The following SMIM18 variants were observed in gnomAD, a reference collection of about 807,000 sequenced individuals.
SMIM18 encodes the protein small integral membrane protein 18.
In SMIM18, 4 loss-of-function variants were observed where a neutral mutation model predicts 5.9. The observed-to-expected ratio is 0.68, with a 90% CI of 0.33 to 1.56. The LOEUF (loss-of-function observed/expected upper bound fraction) is 1.56. Ranked by LOEUF, SMIM18 falls within the 40% of genes most tolerant of loss-of-function variation. The pLI, the probability that SMIM18 is intolerant of heterozygous loss-of-function variation, is 0.06. For synonymous variants in SMIM18, 37 were observed against 37.4 expected (o/e 0.99, Z 0.04); for missense variants, 89 against 109.7 (o/e 0.81, Z 0.84).
intron 1 of SMIM18, among the ~76,000 whole-genome samples, chr8:30,644,273 G>A (rs1408491416): frequency 5.3e-5 from 8 of 152,210 alleles, no homozygotes; most frequent in African/African-American, 1.9e-4. Flanking sequence ...CTTCTTTTGT[G>A]AAATGGAATA....
At chr8:30,645,051 G>C (rs1802016861) in intron 2 of SMIM18, among the ~76,000 whole-genome samples, 1 of 152,002 alleles carries the variant, frequency 6.6e-6, no homozygotes, top group Non-Finnish European at 1.5e-5. Flanking sequence ...TGCCTGGCCT[G>C]AATCTTAAAT....
chr8:30,645,679 G>T lies in SMIM18; in HGVS notation c.*82G>T. 7.6e-7 allele frequency: 1 copy of T among 1,322,290 alleles called. No individual in the cohort carries two copies. Among genetic ancestry groups the T allele is most frequent in the Non-Finnish European group, 1.0e-6 (1 of 991,626 alleles). 81.9% of individuals were successfully genotyped at this position (1,322,290 alleles called of 1,614,324 possible). ...AAAATATATTCTGAGGCCAACTGTT[G>T]CTACAAAACAAATTCTGACTGAATG... On this transcript the variant is annotated 3_prime_UTR_variant, in exon 3 of 3. Transcript: ENST00000517349.
At chr8:30,639,980 T>G (rs770166862) in intron 1 of SMIM18, among the ~76,000 whole-genome samples, 1 of 152,116 alleles carries the variant, frequency 6.6e-6, no homozygotes, top group Non-Finnish European at 1.5e-5. Flanking sequence ...TAAAAATAAC[T>G]TTGTCAAATA....
chr8:30,642,958 C>CT (rs1163461524), intron 1 of SMIM18, among the ~76,000 whole-genome samples: 1 of 152,124 alleles, frequency 6.6e-6, no homozygotes, highest in Non-Finnish European at 1.5e-5. Context: ...TGAGATATCT[C>CT]TTTTTTGGAA....
chr8:30,639,164 T>A (rs760209529), intron 1 of SMIM18, among the ~76,000 whole-genome samples: 2 of 152,218 alleles, frequency 1.3e-5, no homozygotes, highest in Non-Finnish European at 2.9e-5. Flanking sequence ...TTGCTTTGAA[T>A]GTAGATGCAG....
Position 30,645,738 on chromosome 8 carries a change from G to T in SMIM18, c.*141G>T. 1.2e-6 allele frequency: 1 copy of T among 805,782 alleles called. No homozygotes were observed. The highest frequency in any genetic ancestry group is 1.9e-6 in the Non-Finnish European group (1 of 527,144). 49.9% of individuals were successfully genotyped at this position (805,782 alleles called of 1,614,324 possible). A position where few individuals can be genotyped will look rare whatever the true frequency, so the allele number is the denominator to read the frequency against. The stretch of plus-strand genomic sequence containing the variant: ...ATTTCTAGTAGAAGGGGAAAAAAAA[G>T]TTAAACATGCACTGTTTGTGTGTAT... On this transcript the variant is annotated 3_prime_UTR_variant, in exon 3 of 3. Transcript: ENST00000517349.
intron 1 of SMIM18, among the ~76,000 whole-genome samples, chr8:30,639,182 C>T (rs1022754748): frequency 1.1e-4 from 17 of 151,990 alleles, no homozygotes; most frequent in Admixed American, 1.1e-3. Flanking sequence ...CAGAGAATGC[C>T]AAGAAATTAT....
At chr8:30,641,755 T>C (rs1801842767) in intron 1 of SMIM18, among the ~76,000 whole-genome samples, 1 of 152,194 alleles carries the variant, frequency 6.6e-6, no homozygotes, top group South Asian at 2.1e-4. Flanking sequence ...TACATACCTG[T>C]AATCCCAACT....
Position 30,645,674 on chromosome 8 carries a change from C to A in SMIM18, c.*77C>A. On this transcript the variant is annotated 3_prime_UTR_variant, in exon 3 of 3. Transcript: ENST00000517349. ...GAAAAAAAATATATTCTGAGGCCAA[C>A]TGTTGCTACAAAACAAATTCTGACT... The A allele has an allele frequency of 7.2e-7, 1 of 1,383,280 alleles. No individual in the cohort carries two copies. Among genetic ancestry groups the A allele is most frequent in the Non-Finnish European group, 9.6e-7 (1 of 1,045,070 alleles). The allele number at this position is 1,383,280 out of a possible 1,614,324, so 85.7% of individuals were successfully genotyped here.
chr8:30,643,932 T>C (rs1419622770), intron 1 of SMIM18: 5 of 152,162 alleles, frequency 3.3e-5, no homozygotes, highest in African/African-American at 9.7e-5. Flanking sequence ...AGGTAATCAA[T>C]AAACATTTGT....
chr8:30,641,554 C>G (rs1438480622), intron 1 of SMIM18, among the ~76,000 whole-genome samples: 1 of 152,050 alleles, frequency 6.6e-6, no homozygotes, highest in South Asian at 2.1e-4. Context: ...GAGACAGGGC[C>G]TCCCCACATT....
chr8:30,640,832 G>C (rs1014545254), intron 1 of SMIM18, among the ~76,000 whole-genome samples: 7 of 152,094 alleles, frequency 4.6e-5, no homozygotes, highest in African/African-American at 1.7e-4. Flanking sequence ...GGCTTCCTGA[G>C]AAACTGGGAT....
chr8:30,639,210 T>C (rs1801722466), intron 1 of SMIM18, among the ~76,000 whole-genome samples: 1 of 152,236 alleles, frequency 6.6e-6, no homozygotes, highest in African/African-American at 2.4e-5. Flanking sequence ...TTAATTTTTA[T>C]ATAAAAGATC....
intron 2 of SMIM18, 42 bp downstream of exon 2, chr8:30,644,614 G>A (rs1344486597): frequency 1.3e-5 from 2 of 152,104 alleles, no homozygotes; most frequent in Non-Finnish European, 2.9e-5. Context: ...GCTTTTCCAG[G>A]GGCAGTTTGA....
chr8:30,639,218 A>G (rs1249297286), intron 1 of SMIM18, among the ~76,000 whole-genome samples: 1 of 152,230 alleles, frequency 6.6e-6, no homozygotes, highest in Non-Finnish European at 1.5e-5. Context: ...TATATAAAAG[A>G]TCATAAAAGG....
chr8:30,640,859 C>G (rs914148930), intron 1 of SMIM18, among the ~76,000 whole-genome samples: 4 of 152,136 alleles, frequency 2.6e-5, no homozygotes, highest in African/African-American at 7.2e-5. Context: ...CACCCGCCAC[C>G]ACAACTGGCT....
chr8:30,641,150 T>C (rs1181256260), intron 1 of SMIM18, among the ~76,000 whole-genome samples: 1 of 152,168 alleles, frequency 6.6e-6, no homozygotes, highest in East Asian at 1.9e-4. Flanking sequence ...TTAGAGAGTT[T>C]ACTTTTTTCA....
Position 30,645,517 on chromosome 8 carries a change from G to C in SMIM18, c.208G>C (p.Val70Leu). The change falls in exon 3 of 3, where the codon GTG becomes CTG. Residue 70 changes from valine (V) to leucine (L), a missense_variant. By Grantham distance (32) the Val-to-Leu change is conservative. Coordinates refer to ENST00000517349, the MANE Select transcript of SMIM18 (RefSeq NM_001206847.2). Reference protein sequence around the residue: ...DCCCCVKNKTVKDLKSEPNPL... With the variant: ...DCCCCVKNKTLKDLKSEPNPL... Reference sequence around the variant, plus strand: ...CTGCTGCTGTGTAAAAAACAAAACCGTGAAAGACTTGAAAAGTGAACCCAA... The same window carrying C: ...CTGCTGCTGTGTAAAAAACAAAACCCTGAAAGACTTGAAAAGTGAACCCAA... 1.3e-6 allele frequency: 2 copies of C among 1,535,560 alleles called. No homozygotes were observed. The highest frequency in any genetic ancestry group is 1.7e-6 in the Non-Finnish European group (2 of 1,146,870).
Position 30,645,626 on chromosome 8 carries a change from G to T in SMIM18, c.*29G>T. ...TCTATAGAAGATGAACAAAATCTCT[G>T]AAAGCAGCTCAACCTCTTCTGAGAA... On this transcript the variant is annotated 3_prime_UTR_variant, in exon 3 of 3. Coordinates refer to ENST00000517349, the MANE Select transcript of SMIM18 (RefSeq NM_001206847.2). 6.6e-7 allele frequency: 1 copy of T among 1,512,638 alleles called. No homozygotes were observed. The highest frequency in any genetic ancestry group is 2.1e-5 in the Admixed American group (1 of 47,330). 93.7% of individuals were successfully genotyped at this position (1,512,638 alleles called of 1,614,324 possible).
Sources: gnomAD v4.1 joint callset for allele counts (sites outside exome capture counted in the v4.1 genomes callset) on GRCh38, gnomAD v4.1.1 for gene constraint, MANE v1.5 for transcripts, NCBI Gene and HGNC (gene_info 2026-07-23, HGNC 2026-07-21) for gene names.